The following GATAD2A variants were observed in gnomAD, a reference collection of about 807,000 sequenced individuals.
GATAD2A encodes transcriptional repressor p66-alpha.
GATAD2A carries 12 observed loss-of-function variants against 68.5 expected under a neutral mutation model. The ratio of observed to expected loss-of-function variants is 0.18; its 90% CI spans 0.11 to 0.28. The LOEUF (loss-of-function observed/expected upper bound fraction) is 0.28. Ranked by LOEUF, GATAD2A falls within the 10% of genes least tolerant of loss-of-function variation. The pLI is 1.00. For missense variants in GATAD2A, 755 were observed against 868.5 expected, an observed-to-expected ratio of 0.87 and a Z score of 1.64; for synonymous variants, 410 against 375.3, an observed-to-expected ratio of 1.09 and a Z score of -1.07.
chr19:19,411,632 A>G (rs573452548), intron 1 of GATAD2A, among the ~76,000 whole-genome samples: 164 of 151,748 alleles, frequency 1.1e-3, no homozygotes, highest in African/African-American at 3.9e-3. Flanking sequence ...GCAGTTTACC[A>G]CTCTTCAGCG....
chr19:19,388,057 C>CTTTTTTTTTT (rs1568686046), intron 1 of GATAD2A, among the ~76,000 whole-genome samples: 1 of 126,010 alleles, frequency 7.9e-6, no homozygotes, highest in African/African-American at 4.2e-5. Context: ...AGCTTCTCCT[C>CTTTTTTTTTT]CTTTTTTTTT....
intron 1 of GATAD2A, among the ~76,000 whole-genome samples, chr19:19,392,079 CTTT>C (rs753791949): frequency 3.7e-5 from 4 of 107,086 alleles, no homozygotes; most frequent in African/African-American, 1.1e-4. Flanking sequence ...AGAGTTTTTC[CTTT>C]TTTTTTTTTT....
At chr19:19,413,044 G>A (rs1440356733) in intron 1 of GATAD2A, among the ~76,000 whole-genome samples, 2 of 152,166 alleles carry the variant, frequency 1.3e-5, no homozygotes, top group Non-Finnish European at 1.5e-5. Context: ...GGGACCAGTG[G>A]CTGTGTTAAA....
chr19:19,431,866 A>G (rs2147450149), intron 1 of GATAD2A, among the ~76,000 whole-genome samples: 1 of 151,746 alleles, frequency 6.6e-6, no homozygotes, highest in Non-Finnish European at 1.5e-5. Flanking sequence ...GGAGTGTGGG[A>G]GGGGTGGTGC....
At chr19:19,437,742 G>C (rs1568284380) in intron 1 of GATAD2A, among the ~76,000 whole-genome samples, 2 of 152,202 alleles carry the variant, frequency 1.3e-5, no homozygotes, top group Non-Finnish European at 2.9e-5. Context: ...TTGTAAGCAT[G>C]AATCAGTGCT....
intron 1 of GATAD2A, among the ~76,000 whole-genome samples, chr19:19,425,234 G>A (rs1568273277): frequency 1.3e-5 from 2 of 152,112 alleles, no homozygotes; most frequent in African/African-American, 2.4e-5. Context: ...AATTTGTTGG[G>A]GACAAGGCTG....
intron 2 of GATAD2A, among the ~76,000 whole-genome samples, chr19:19,466,460 T>G (rs982526383): frequency 8.5e-5 from 13 of 152,184 alleles, no homozygotes; most frequent in Non-Finnish European, 1.6e-4. Context: ...CACTGGAGTC[T>G]TCTCCCTGTG....
chr19:19,431,146 A>T (rs927870374), intron 1 of GATAD2A, among the ~76,000 whole-genome samples: 1 of 151,932 alleles, frequency 6.6e-6, no homozygotes, highest in African/African-American at 2.4e-5. Flanking sequence ...GGTTGGAGAT[A>T]AAAACAGTAA....
intron 1 of GATAD2A, 37 bp from the exon 2 acceptor site, chr19:19,465,303 C>T: frequency 1.3e-6 from 2 of 1,524,552 alleles, no homozygotes; most frequent in Non-Finnish European, 1.8e-6. Flanking sequence ...CTTCATTGCA[C>T]CCAGTTAAAA....
At chr19:19,462,210 C>G (rs898548736) in intron 1 of GATAD2A, among the ~76,000 whole-genome samples, 1 of 152,220 alleles carries the variant, frequency 6.6e-6, no homozygotes, top group South Asian at 2.1e-4. Context: ...GCCGCCAGCC[C>G]TGTTGTGCTG....
chr19:19,398,572 C>T (rs1243833913), intron 1 of GATAD2A, among the ~76,000 whole-genome samples: 2 of 149,962 alleles, frequency 1.3e-5, no homozygotes, highest in Middle Eastern at 3.6e-3. Flanking sequence ...GGCTCAAGGA[C>T]TTCTCCCACC....
At chr19:19,408,327 T>C (rs892982776) in intron 1 of GATAD2A, among the ~76,000 whole-genome samples, 2 of 152,196 alleles carry the variant, frequency 1.3e-5, no homozygotes, top group Non-Finnish European at 2.9e-5. Flanking sequence ...TTTTTTAAAA[T>C]GTCAAGTCAT....
chr19:19,477,335 T>G (rs1479728536), intron 2 of GATAD2A, among the ~76,000 whole-genome samples: 1 of 152,122 alleles, frequency 6.6e-6, no homozygotes, highest in Non-Finnish European at 1.5e-5. Context: ...TTTAAAATAG[T>G]TGTGACGTCA....
At chr19:19,412,018 T>G (rs936994195) in intron 1 of GATAD2A, among the ~76,000 whole-genome samples, 3 of 151,724 alleles carry the variant, frequency 2.0e-5, no homozygotes, top group African/African-American at 7.3e-5. Flanking sequence ...GCAGGCTGAT[T>G]GTTTGAGCCC....
chr19:19,479,242 A>G (rs1247301274), intron 2 of GATAD2A, among the ~76,000 whole-genome samples: 2 of 152,224 alleles, frequency 1.3e-5, no homozygotes, highest in Non-Finnish European at 2.9e-5. Flanking sequence ...TTGAACAGAA[A>G]AATCTGTTTT....
chr19:19,442,468 A>G (rs753369062), intron 1 of GATAD2A, among the ~76,000 whole-genome samples: 9 of 152,058 alleles, frequency 5.9e-5, no homozygotes, highest in Non-Finnish European at 1.3e-4. Flanking sequence ...TCTACTGAAA[A>G]TATAAAAATT....
intron 8 of GATAD2A, among the ~76,000 whole-genome samples, 153 bp from the exon 9 acceptor site, chr19:19,500,965 G>A (rs7259773): frequency 0.037 from 5,611 of 152,292 alleles, 142 homozygotes; most frequent in Middle Eastern, 0.085. Context: ...GGCGTTGGCC[G>A]GCCCCATGTC....
intron 1 of GATAD2A, among the ~76,000 whole-genome samples, chr19:19,450,762 A>G (rs1240185805): frequency 7.5e-6 from 1 of 133,444 alleles, no homozygotes; most frequent in African/African-American, 2.9e-5. Context: ...AAAAAAAAAA[A>G]CTCTTTTTTT....
intron 2 of GATAD2A, among the ~76,000 whole-genome samples, chr19:19,475,293 C>G (rs975983630): frequency 6.6e-6 from 1 of 152,248 alleles, no homozygotes; most frequent in Non-Finnish European, 1.5e-5. Flanking sequence ...GTTTGTGGCC[C>G]TCACACTGGC....
Sources: gnomAD v4.1 joint callset for allele counts (sites outside exome capture counted in the v4.1 genomes callset) on GRCh38, gnomAD v4.1.1 for gene constraint, MANE v1.5 for transcripts, NCBI Gene and HGNC (gene_info 2026-07-23, HGNC 2026-07-21) for gene names.